RBFOX3: variants seen among roughly 807,000 people sequenced by gnomAD.
The protein encoded by RBFOX3 is RNA binding fox-1 homolog 3, also known as RNA binding protein fox-1 homolog 3.
In RBFOX3, 17 loss-of-function variants were observed where a neutral mutation model predicts 48.7. That is an observed-to-expected ratio of 0.35 (90% CI 0.24 to 0.52). The LOEUF (loss-of-function observed/expected upper bound fraction) is 0.52. Ranked by LOEUF, RBFOX3 falls within the 20% of genes least tolerant of loss-of-function variation. The pLI is 0.94. For synonymous variants in RBFOX3, 212 were observed against 209.5 expected, an observed-to-expected ratio of 1.01 and a Z score of -0.10; for missense variants, 382 against 497.5, an observed-to-expected ratio of 0.77 and a Z score of 2.21.
chr17:79,587,447 C>T (rs1045479069), intron 1 of RBFOX3, among the ~76,000 whole-genome samples: 2 of 152,236 alleles, frequency 1.3e-5, no homozygotes, highest in Non-Finnish European at 2.9e-5. Context: ...GGCTAGGGAC[C>T]CCAGCCCCTG....
chr17:79,400,092 C>T (rs1018218208), intron 2 of RBFOX3, among the ~76,000 whole-genome samples: 1 of 152,082 alleles, frequency 6.6e-6, no homozygotes, highest in Non-Finnish European at 1.5e-5. Flanking sequence ...GCAGGATTCT[C>T]GGGGAATGGG....
At chr17:79,255,954 C>T (rs948934132) in intron 3 of RBFOX3, among the ~76,000 whole-genome samples, 6 of 151,540 alleles carry the variant, frequency 4.0e-5, no homozygotes, top group Non-Finnish European at 7.4e-5. Flanking sequence ...GCACAGCTGC[C>T]TCCCCAGCCA....
intron 2 of RBFOX3, among the ~76,000 whole-genome samples, chr17:79,387,616 T>C (rs1406088966): frequency 6.6e-6 from 1 of 152,206 alleles, no homozygotes; most frequent in Non-Finnish European, 1.5e-5. Context: ...TGAGGGGCCA[T>C]GAGCTCTGCC....
chr17:79,486,155 T>C (rs1026287653), intron 1 of RBFOX3, among the ~76,000 whole-genome samples: 30 of 152,172 alleles, frequency 2.0e-4, no homozygotes, highest in Non-Finnish European at 3.8e-4. Context: ...GACGGCTCTC[T>C]AGGCCCCGCA....
chr17:79,185,760 T>C (rs1015364084), intron 4 of RBFOX3, among the ~76,000 whole-genome samples: 1 of 152,106 alleles, frequency 6.6e-6, no homozygotes, highest in Non-Finnish European at 1.5e-5. Context: ...GATTTGGGAG[T>C]GCTTCCTAAG....
chr17:79,160,806 C>G (rs933161676), intron 4 of RBFOX3, among the ~76,000 whole-genome samples: 2 of 152,068 alleles, frequency 1.3e-5, no homozygotes, highest in African/African-American at 2.4e-5. Context: ...ATGGTGAAAC[C>G]TTGTCTCTAC....
At chr17:79,412,641 TGCA>T (rs759057333) in intron 2 of RBFOX3, among the ~76,000 whole-genome samples, 3 of 151,868 alleles carry the variant, frequency 2.0e-5, no homozygotes, top group Non-Finnish European at 4.4e-5. Flanking sequence ...TGTGCATGTA[TGCA>T]TGTGTTGTGT....
At chr17:79,368,622 A>C (rs1403735569) in intron 2 of RBFOX3, among the ~76,000 whole-genome samples, 2 of 152,096 alleles carry the variant, frequency 1.3e-5, no homozygotes, top group Admixed American at 1.3e-4. Context: ...GATTGTTACC[A>C]TCCGAGAAGG....
chr17:79,183,646 A>G (rs1022639885), intron 4 of RBFOX3, among the ~76,000 whole-genome samples: 2 of 152,236 alleles, frequency 1.3e-5, no homozygotes, highest in East Asian at 1.9e-4. Flanking sequence ...GGGCGAGAGC[A>G]GGAGTCAGTC....
rs1029473336 is a variant in RBFOX3, at chr17:79,607,096, G to A, written c.-320+3730C>T. The stretch of plus-strand genomic sequence containing the variant: ...TGGAGAGATGCTGCAGCTTATCAAA[G>A]GGTGGAGGTACAAACGGGATGTGTT... On this transcript the variant is annotated intron_variant, in intron 1 of 14. Coordinates refer to ENST00000693108, the MANE Select transcript of RBFOX3 (RefSeq NM_001350451.2). 8.5e-4 allele frequency among the ~76,000 whole-genome samples: 129 copies of A among 152,264 alleles called. 2 individuals carry two copies. The highest frequency in any genetic ancestry group is 1.5e-3 in the Admixed American group (23 of 15,296).
chr17:79,207,501 G>A (rs1187347383), intron 4 of RBFOX3, among the ~76,000 whole-genome samples: 1 of 152,212 alleles, frequency 6.6e-6, no homozygotes, highest in Non-Finnish European at 1.5e-5. Context: ...CCCCTTGCAA[G>A]CTTTACCAAG....
the RBFOX3 span, among the ~76,000 whole-genome samples, chr17:79,647,228 T>A: frequency 6.6e-6 from 1 of 152,098 alleles, no homozygotes; most frequent in Non-Finnish European, 1.5e-5. Context: ...GCTGTCAGCA[T>A]CACTCCACCG....
chr17:79,265,741 C>T (rs565178945), intron 3 of RBFOX3, among the ~76,000 whole-genome samples: 5 of 152,262 alleles, frequency 3.3e-5, no homozygotes, highest in South Asian at 4.1e-4. Context: ...TCTCCCATTC[C>T]GGAGATTTAG....
In RBFOX3 at chr17:79,584,914, C is replaced by T. The variant is rs938853460; in HGVS notation, c.-320+25912G>A. Among the ~76,000 whole-genome samples, 134 of 152,118 alleles carry T rather than the reference C, an allele frequency of 8.8e-4. 1 individual carries two copies. Among genetic ancestry groups the T allele is most frequent in the African/African-American group, 3.0e-3 (126 of 41,504 alleles). ...CCAAGTAGCTGGGACTACAGGCACC[C>T]GCCACCACACCCAGCTACTTTTTTG... On this transcript the variant is annotated intron_variant, in intron 1 of 14. Transcript: ENST00000693108.
rs372431870 is a variant in RBFOX3 at position 79,231,515 on chromosome 17, C to A, written c.-34+4251G>T. On this transcript the variant is annotated intron_variant, in intron 4 of 14. Transcript: ENST00000693108. ...CTGTATTTATTGTAGAAGAAAACTGCCTTTGTTAACATAATCATTTATATA... is the reference window on the plus strand; with the variant it reads ...CTGTATTTATTGTAGAAGAAAACTGACTTTGTTAACATAATCATTTATATA... Among the ~76,000 whole-genome samples the A allele has an allele frequency of 6.8e-4, 104 of 152,156 alleles. 1 individual carries two copies. The South Asian group carries it at 0.021, about 31-fold the overall frequency.
intron 2 of RBFOX3, among the ~76,000 whole-genome samples, chr17:79,331,116 C>A (rs890065208): frequency 6.6e-6 from 1 of 152,178 alleles, no homozygotes; most frequent in Non-Finnish European, 1.5e-5. Context: ...CCGCCCAGCT[C>A]AACATGGGCA....
Position 79,399,802 on chromosome 17 carries a change from T to C in RBFOX3, c.-175+82652A>G, listed in dbSNP as rs114591404. On this transcript the variant is annotated intron_variant, in intron 2 of 14. Coordinates refer to ENST00000693108, the MANE Select transcript of RBFOX3 (RefSeq NM_001350451.2). Reference sequence around the variant, plus strand: ...GCAGACACCACAGACCCTCGGGCGCTCCCGTCTTCAGCAAGCGTGAACGCG... The same window carrying C: ...GCAGACACCACAGACCCTCGGGCGCCCCCGTCTTCAGCAAGCGTGAACGCG... 4.0e-3 allele frequency among the ~76,000 whole-genome samples: 605 copies of C among 152,328 alleles called. 7 individuals are homozygous for C. The highest frequency in any genetic ancestry group is 0.014 in the African/African-American group (584 of 41,568).
intron 1 of RBFOX3, among the ~76,000 whole-genome samples, chr17:79,582,782 CAAAAAA>C (rs36155299): frequency 6.4e-5 from 3 of 46,898 alleles, no homozygotes; most frequent in African/African-American, 1.0e-4. Context: ...GACCCCGTCT[CAAAAAA>C]AAAAAAAAAA....
chr17:79,448,635 C>T (rs1555739695), intron 2 of RBFOX3, among the ~76,000 whole-genome samples: 1 of 152,164 alleles, frequency 6.6e-6, no homozygotes, highest in African/African-American at 2.4e-5. Flanking sequence ...TTGTGGCCTC[C>T]AGAAATGCAA....
Sources: allele counts gnomAD v4.1 joint callset (sites outside exome capture counted in the v4.1 genomes callset), GRCh38; gene constraint gnomAD v4.1.1; transcripts MANE v1.5; gene names NCBI Gene and HGNC (gene_info 2026-07-23, HGNC 2026-07-21).